The following SLC30A8 variants were observed in gnomAD, a reference collection of about 807,000 sequenced individuals.
SLC30A8 encodes proton-coupled zinc antiporter SLC30A8.
In SLC30A8, 27 loss-of-function variants were observed where a neutral mutation model predicts 36.9. The ratio of observed to expected loss-of-function variants is 0.73; its 90% CI spans 0.54 to 1.01. The LOEUF is 1.01. SLC30A8 is among the 50% of genes least tolerant of loss of function. The pLI is 0.00. For synonymous variants in SLC30A8, 164 were observed against 172.4 expected (o/e 0.95, Z 0.38); for missense variants, 439 against 452.0 (o/e 0.97, Z 0.26).
rs16889339 is a variant in SLC30A8, at chr8:117,026,441, A to C, written c.-265-12778A>C. ...TTAATGGAAAGCAAGTATGCCTGGA[A>C]GAAATTCTTGTGTAAGAGTTTTTAG... On this transcript the variant is annotated intron_variant, in intron 1 of 10. Transcript: ENST00000427715. Among the ~76,000 whole-genome samples the C allele has an allele frequency of 9.3e-3, 1,416 of 152,294 alleles. 21 individuals carry two copies. The highest frequency in any genetic ancestry group is 0.031 in the African/African-American group (1,303 of 41,568).
At chr8:116,959,688 C>G (rs1379635370) in intron 1 of SLC30A8, among the ~76,000 whole-genome samples, 2 of 152,050 alleles carry the variant, frequency 1.3e-5, no homozygotes, top group Non-Finnish European at 2.9e-5. Flanking sequence ...TTAACTATTC[C>G]CAGCTATGGA....
chr8:117,086,130 A>C (rs913873111), intron 2 of SLC30A8, among the ~76,000 whole-genome samples: 1 of 152,184 alleles, frequency 6.6e-6, no homozygotes, highest in African/African-American at 2.4e-5. Flanking sequence ...TTGGAAGTGT[A>C]GGTATGTTAC....
intron 1 of SLC30A8, among the ~76,000 whole-genome samples, chr8:116,995,892 T>G (rs2130674201): frequency 6.6e-6 from 1 of 151,300 alleles, no homozygotes; most frequent in South Asian, 2.1e-4. Context: ...CATCACTTGA[T>G]AGAAAAAAAT....
At chr8:117,010,968 C>T (rs940874223) in intron 1 of SLC30A8, among the ~76,000 whole-genome samples, 16 of 152,306 alleles carry the variant, frequency 1.1e-4, no homozygotes, top group African/African-American at 3.4e-4. Context: ...ACCTCCAGCA[C>T]CGGAGATTAC....
intron 2 of SLC30A8, among the ~76,000 whole-genome samples, chr8:117,109,924 C>T (rs1820152249): frequency 6.6e-6 from 1 of 152,174 alleles, no homozygotes; most frequent in Non-Finnish European, 1.5e-5. Flanking sequence ...AGAGCCGGCT[C>T]AGCATTTATA....
chr8:117,091,423 A>G (rs539208082), intron 2 of SLC30A8, among the ~76,000 whole-genome samples: 19 of 152,272 alleles, frequency 1.2e-4, no homozygotes, highest in Admixed American at 2.0e-4. Context: ...CCATTTTACT[A>G]AATATCTGTG....
intron 6 of SLC30A8, among the ~76,000 whole-genome samples, chr8:117,167,305 T>C (rs1481121916): frequency 1.3e-5 from 2 of 152,110 alleles, no homozygotes; most frequent in Non-Finnish European, 2.9e-5. Context: ...TTAAATTAGG[T>C]TTTCAAACTA....
In SLC30A8 at chr8:117,171,023, C is replaced by T. The variant is rs777297377; in HGVS notation, c.830-11C>T. The T allele has an allele frequency of 5.1e-6, 8 of 1,575,082 alleles. No homozygotes were observed. The South Asian group carries it at 8.4e-5, about 17-fold the overall frequency. ...GAATAACTACAGCCTCCATCTCTTC[C>T]CTTTTGTCAGGTGTGCCAAAGAGCC... On this transcript the variant is annotated splice_polypyrimidine_tract_variant and intron_variant, in intron 6 of 7. Coordinates refer to ENST00000456015, the MANE Select transcript of SLC30A8 (RefSeq NM_173851.3).
chr8:116,958,778 G>T (rs574727632), intron 1 of SLC30A8, among the ~76,000 whole-genome samples: 30 of 147,528 alleles, frequency 2.0e-4, no homozygotes, highest in Non-Finnish European at 3.7e-4. Context: ...TTTCCTTGGA[G>T]AATCTACTTA....
intron 1 of SLC30A8, among the ~76,000 whole-genome samples, chr8:116,992,795 G>A (rs771179815): frequency 7.9e-5 from 12 of 152,148 alleles, no homozygotes; most frequent in Non-Finnish European, 1.0e-4. Context: ...GTTGAACAAA[G>A]CATATAAAAT....
intron 2 of SLC30A8, among the ~76,000 whole-genome samples, chr8:117,097,498 A>G (rs113561076): frequency 2.2e-5 from 2 of 91,912 alleles, no homozygotes; most frequent in Non-Finnish European, 4.5e-5. Flanking sequence ...TATATATTAT[A>G]TATAATATAT....
intron 2 of SLC30A8, among the ~76,000 whole-genome samples, chr8:117,126,762 A>G (rs1451711742): frequency 6.6e-6 from 1 of 152,050 alleles, no homozygotes; most frequent in African/African-American, 2.4e-5. Flanking sequence ...GAAGAGAGAT[A>G]ACAATAAGGG....
intron 2 of SLC30A8, among the ~76,000 whole-genome samples, chr8:117,073,293 G>A (rs185872746): frequency 2.1e-5 from 3 of 146,010 alleles, no homozygotes; most frequent in Admixed American, 6.9e-5. Context: ...GTCTCACTCT[G>A]TCACCCAGGC....
At chr8:116,994,717 T>C (rs1326832761) in intron 1 of SLC30A8, among the ~76,000 whole-genome samples, 1 of 152,012 alleles carries the variant, frequency 6.6e-6, no homozygotes, top group Non-Finnish European at 1.5e-5. Flanking sequence ...AAAAAACTCA[T>C]TGAGTTATAA....
chr8:116,957,307 C>T (rs985913055), intron 1 of SLC30A8, among the ~76,000 whole-genome samples: 22 of 151,564 alleles, frequency 1.5e-4, no homozygotes, highest in Non-Finnish European at 8.8e-5. Context: ...GATGAAGTCT[C>T]GCTATGTAGC....
intron 1 of SLC30A8, among the ~76,000 whole-genome samples, chr8:116,979,617 C>T (rs961325865): frequency 1.3e-5 from 2 of 152,136 alleles, no homozygotes; most frequent in Non-Finnish European, 2.9e-5. Context: ...AGGGGACTGT[C>T]TGAAGAAAAA....
chr8:117,146,846 C>G, intron 1 of SLC30A8, 108 bp from the exon 2 acceptor site: 1 of 1,521,380 alleles, frequency 6.6e-7, no homozygotes, highest in Non-Finnish European at 8.8e-7. Context: ...CACTTCATAG[C>G]AAGTAAGCAA....
chr8:117,170,494 C>T (rs56816225), intron 6 of SLC30A8, among the ~76,000 whole-genome samples: 1 of 152,074 alleles, frequency 6.6e-6, no homozygotes, highest in Non-Finnish European at 1.5e-5. Context: ...CACTAAATGA[C>T]CTGTTGAGTA....
chr8:117,138,814 G>A (rs1229468485), intron 1 of SLC30A8, among the ~76,000 whole-genome samples: 2 of 151,972 alleles, frequency 1.3e-5, no homozygotes, highest in Non-Finnish European at 2.9e-5. Context: ...GGAGAAGTAG[G>A]TCACTGTCTC....
Sources: allele counts gnomAD v4.1 joint callset (sites outside exome capture counted in the v4.1 genomes callset), GRCh38; gene constraint gnomAD v4.1.1; transcripts MANE v1.5; gene names NCBI Gene and HGNC (gene_info 2026-07-23, HGNC 2026-07-21).